Variants in DNMT1 observed in about 807,000 individuals in gnomAD.
DNMT1 encodes the protein DNA (cytosine-5)-methyltransferase 1.
A neutral mutation model predicts 205.3 loss-of-function variants in DNMT1; 24 were observed. The ratio of observed to expected loss-of-function variants is 0.12; its 90% CI spans 0.08 to 0.16. The LOEUF (loss-of-function observed/expected upper bound fraction) is 0.16. Among genes scored for constraint, DNMT1 ranks in the 10% least tolerant of loss-of-function variants. The pLI, the probability that DNMT1 is intolerant of heterozygous loss-of-function variation, is 1.00. For synonymous variants in DNMT1, 817 were observed against 839.8 expected, an observed-to-expected ratio of 0.97 and a Z score of 0.47; for missense variants, 1,293 against 2,177.7, an observed-to-expected ratio of 0.59 and a Z score of 8.09.
intron 37 of DNMT1, among the ~76,000 whole-genome samples, 190 bp downstream of exon 37, chr19:10,136,895 G>T (rs1415576265): frequency 6.6e-6 from 1 of 152,064 alleles, no homozygotes; most frequent in Non-Finnish European, 1.5e-5. Context: ...CCAAAGTGCT[G>T]GGATTATAGG....
intron 9 of DNMT1, among the ~76,000 whole-genome samples, chr19:10,171,198 A>G (rs2038808421): frequency 6.7e-6 from 1 of 148,822 alleles, no homozygotes; most frequent in African/African-American, 2.4e-5. Context: ...AGATTTTACA[A>G]AGAAGATGAG....
At chr19:10,194,714 G>GCGC in intron 1 of DNMT1, 106 bp downstream of exon 1, 1 of 1,425,002 alleles carries the variant, frequency 7.0e-7, no homozygotes, top group South Asian at 1.4e-5. Flanking sequence ...CCACGCATGC[G>GCGC]CGCCCGTCTG....
intron 2 of DNMT1, 104 bp downstream of exon 2, chr19:10,181,937 G>C: frequency 9.7e-7 from 1 of 1,031,068 alleles, no homozygotes; most frequent in Non-Finnish European, 1.5e-6. Flanking sequence ...AAACTCCATG[G>C]GAAAAAATGC....
chr19:10,183,016 C>CAT (rs927551092), intron 1 of DNMT1, among the ~76,000 whole-genome samples: 1 of 145,514 alleles, frequency 6.9e-6, no homozygotes, highest in Non-Finnish European at 1.5e-5. Flanking sequence ...TGTATATATA[C>CAT]ATATATATGT....
chr19:10,149,847 G>A lies in DNMT1; in HGVS notation c.2381+6C>T. 1 of 1,613,868 alleles carries A rather than the reference G, an allele frequency of 6.2e-7. No individual in the cohort carries two copies. Among genetic ancestry groups the A allele is most frequent in the Non-Finnish European group, 8.5e-7 (1 of 1,179,774 alleles). ...GCAGAAGTCAAGCAAAAAGAAAGAT[G>A]CAAACCTTGCTAGATACAGCGGTTT... On this transcript the variant is annotated splice_donor_region_variant and intron_variant, in intron 25 of 40. Coordinates refer to ENST00000359526, the MANE Select transcript of DNMT1 (RefSeq NM_001130823.3).
chr19:10,136,449 AT>A (rs1410519852), intron 37 of DNMT1, among the ~76,000 whole-genome samples, 162 bp from the exon 38 acceptor site: 1 of 152,102 alleles, frequency 6.6e-6, no homozygotes, highest in Non-Finnish European at 1.5e-5. Flanking sequence ...TGTTTTTATT[AT>A]TAGTATTATA....
At chr19:10,144,134 G>C in intron 28 of DNMT1, 147 bp from the exon 29 acceptor site, 1 of 864,644 alleles carries the variant, frequency 1.2e-6, no homozygotes, top group East Asian at 2.7e-5. Flanking sequence ...TTTAGGCTGG[G>C]CATTGTGGCT....
At chr19:10,170,735 T>C (rs1359958770) in intron 9 of DNMT1, among the ~76,000 whole-genome samples, 2 of 152,220 alleles carry the variant, frequency 1.3e-5, no homozygotes, top group African/African-American at 2.4e-5. Context: ...ACTCGTCACC[T>C]ACCTAAGTTG....
rs991448012 is a variant in DNMT1 at position 10,137,746 on chromosome 19, C to A, written c.4293+86G>T. 6.5e-7 allele frequency: 1 copy of A among 1,532,084 alleles called. No homozygotes were observed. The allele number at this position is 1,532,084 out of a possible 1,614,324, so 94.9% of individuals were successfully genotyped here. On this transcript the variant is annotated intron_variant, in intron 36 of 40. Coordinates refer to ENST00000359526, the MANE Select transcript of DNMT1 (RefSeq NM_001130823.3). This position sits in a 1 kb window ranked among gnomAD's most constrained non-coding sequence, Gnocchi z 6.4. Reference sequence around the variant, plus strand: ...GAGCCTGGGATCAGATTCCATGTCTCCCCTGAGTCTTGGGCAGGCTGACTG... The same window carrying A: ...GAGCCTGGGATCAGATTCCATGTCTACCCTGAGTCTTGGGCAGGCTGACTG...
intron 29 of DNMT1, among the ~76,000 whole-genome samples, chr19:10,143,085 G>A (rs78333947): frequency 0.037 from 5,598 of 152,330 alleles, 156 homozygotes; most frequent in Admixed American, 0.072. Context: ...AAACGTAATA[G>A]GCCAAAAGCT....
chr19:10,154,849 T>G lies in DNMT1; in HGVS notation c.1644+56A>C. The G allele has an allele frequency of 6.2e-7, 1 of 1,614,234 alleles. No individual in the cohort carries two copies. The highest frequency in any genetic ancestry group is 8.5e-7 in the Non-Finnish European group (1 of 1,180,034). Reference sequence around the variant, plus strand: ...CAACTGAAGAACAGTGTCTGCTGGTTCTGAAGGCAAGTTTCCAGTGGGAAT... The same window carrying G: ...CAACTGAAGAACAGTGTCTGCTGGTGCTGAAGGCAAGTTTCCAGTGGGAAT... On this transcript the variant is annotated intron_variant, in intron 20 of 40. Transcript: ENST00000359526. The surrounding 1 kb of genome is among the most constrained non-coding windows in gnomAD (Gnocchi z 6.3).
At chr19:10,139,182 C>T (rs1319174547) in intron 34 of DNMT1, among the ~76,000 whole-genome samples, 2 of 152,236 alleles carry the variant, frequency 1.3e-5, no homozygotes, top group Non-Finnish European at 2.9e-5. Context: ...CTATGTCCAT[C>T]CCTGTCCCTG....
At position 10,146,418 on chromosome 19, in the gene DNMT1, T is replaced by C. The variant is rs1349231023; in HGVS notation, c.2827A>G (p.Thr943Ala). 2 of 1,613,928 alleles carry C rather than the reference T, an allele frequency of 1.2e-6. No homozygotes were observed. The highest frequency in any genetic ancestry group is 1.7e-6 in the Non-Finnish European group (2 of 1,180,024). The change falls in exon 28 of 41, where the codon ACC becomes GCC. Residue 943 changes from threonine to alanine, a missense_variant. By Grantham distance (58) the Thr-to-Ala change is moderately conservative. Coordinates refer to ENST00000359526, the MANE Select transcript of DNMT1 (RefSeq NM_001130823.3). The surrounding 1 kb of genome is among the most constrained non-coding windows in gnomAD (Gnocchi z 4.4). ...LDSRVLYYSA[T>A]KNGILYRVGD... ...ACTCGGTACAGGATGCCGTTCTTGG[T>C]GGCTGAGTAGTAGAGGACCCGGCTA...
chr19:10,181,934 A>G, intron 2 of DNMT1, 107 bp downstream of exon 2: 1 of 971,236 alleles, frequency 1.0e-6, no homozygotes, highest in Non-Finnish European at 1.6e-6. Flanking sequence ...TTGAAACTCC[A>G]TGGGAAAAAA....
At position 10,138,033 on chromosome 19, in the gene DNMT1, A is replaced by T. The variant is rs138068477; in HGVS notation, c.4116-24T>A. 723 of 1,602,584 alleles carry T rather than the reference A, an allele frequency of 4.5e-4. 6 individuals carry two copies. In the African/African-American group the frequency reaches 8.8e-3, roughly 20 times the overall value. On this transcript the variant is annotated intron_variant, in intron 35 of 40. Transcript: ENST00000359526. This position sits in a 1 kb window ranked among gnomAD's most constrained non-coding sequence, Gnocchi z 4.1. ...ACCTGCAACAGAGGAGGAGGTCAAC[A>T]CCTCTGGAGATGCACGCAGCAGCTG...
intron 29 of DNMT1, among the ~76,000 whole-genome samples, chr19:10,142,605 C>A (rs531847976): frequency 6.9e-6 from 1 of 144,722 alleles, no homozygotes; most frequent in Non-Finnish European, 1.5e-5. Context: ...ATTAGGGAAC[C>A]GCCAGGTAAT....
At position 10,159,693 on chromosome 19, in the gene DNMT1, A is replaced by G. The variant is rs574479254; in HGVS notation, c.1245T>C (p.Tyr415=). The part of the protein sequence containing the change: ...FDANESGFES[Y]EALPQHKLTC... ...TCAGTTTGTGCTGGGGAAGCGCCTC[A>G]TAACTCTCAAAGCCAGACTCGTTGG... The change falls in exon 17 of 41, where the codon TAT becomes TAC. Residue 415 remains tyrosine, a synonymous_variant. Transcript: ENST00000359526. This position sits in a 1 kb window ranked among gnomAD's most constrained non-coding sequence, Gnocchi z 5.0. The G allele has an allele frequency of 8.0e-5, 129 of 1,614,202 alleles. No homozygotes were observed. In the South Asian group the frequency reaches 8.0e-4, roughly 10 times the overall value.
At chr19:10,180,008 AAAG>A (rs1211724663) in intron 5 of DNMT1, 176 bp downstream of exon 5, 5 of 212,424 alleles carry the variant, frequency 2.4e-5, no homozygotes, top group South Asian at 5.8e-5. Flanking sequence ...AAAAAAAAAG[AAAG>A]AAAGAAAGAG....
intron 1 of DNMT1, among the ~76,000 whole-genome samples, chr19:10,186,039 TCACGCCGCTGA>T (rs2039173141): frequency 6.6e-6 from 1 of 151,986 alleles, no homozygotes; most frequent in African/African-American, 2.4e-5. Flanking sequence ...GACTTCTCAG[TCACGCCGCTGA>T]GAAAACTGGA....
Sources: allele counts gnomAD v4.1 joint callset (sites outside exome capture counted in the v4.1 genomes callset), GRCh38; gene constraint gnomAD v4.1.1; non-coding constraint Gnocchi (gnomAD v3.1); transcripts MANE v1.5; gene names NCBI Gene and HGNC (gene_info 2026-07-23, HGNC 2026-07-21).